The following POLD1 variants were observed in gnomAD, a reference collection of about 807,000 sequenced individuals.
The protein encoded by POLD1 is DNA polymerase delta catalytic subunit.
POLD1 carries 79 observed loss-of-function variants against 129.7 expected under a neutral mutation model. The observed-to-expected ratio is 0.61, with a 90% confidence interval of 0.51 to 0.73. The LOEUF (loss-of-function observed/expected upper bound fraction) is 0.73, where lower values mean the gene tolerates loss of function less well. Ranked by LOEUF, POLD1 falls within the 30% of genes least tolerant of loss-of-function variation. POLD1 has a pLI of 0.00. For synonymous variants in POLD1, 714 were observed against 683.3 expected, an observed-to-expected ratio of 1.04 and a Z score of -0.70; for missense variants, 1,338 against 1,595.8, an observed-to-expected ratio of 0.84 and a Z score of 2.75.
rs188028743 is a variant in POLD1, at chr19:50,402,175, T to C, written c.590-30T>C. The C allele has an allele frequency of 2.5e-4, 400 of 1,588,102 alleles. 2 individuals are homozygous for C. In the African/African-American group the frequency reaches 4.8e-3, roughly 19 times the overall value. ...GTTGGAGGGTCCCCTCGGGAGGCCA[T>C]TGGCTGGTCCCAGCTTCTTCCATCC... On this transcript the variant is annotated intron_variant, in intron 5 of 26. Coordinates refer to ENST00000440232, the MANE Select transcript of POLD1 (RefSeq NM_002691.4).
chr19:50,416,615 G>A lies in POLD1; in HGVS notation c.2959G>A (p.Asp987Asn), dbSNP rs985679759. The A allele has an allele frequency of 3.8e-6, 6 of 1,561,332 alleles. No homozygotes were observed. Among genetic ancestry groups the A allele is most frequent in the Non-Finnish European group, 2.6e-6 (3 of 1,157,114 alleles). ...ACCTGCCTCCTCTCCTGCAGGGGGG[G>A]ACCACACGCGCTGCAAGACGGTGCT... ...GRAEAVLLRG[D>N]HTRCKTVLTG... The change falls in exon 24 of 27, where the codon GAC becomes AAC. Residue 987 changes from aspartate (D) to asparagine (N), a missense_variant. By Grantham distance (23) the Asp-to-Asn change is conservative (BLOSUM62 1). Coordinates refer to ENST00000440232, the MANE Select transcript of POLD1 (RefSeq NM_002691.4).
At position 50,401,810 on chromosome 19, in the gene POLD1, C is replaced by A; in HGVS notation, c.349C>A (p.Pro117Thr). Residue 117 changes from proline to threonine, a missense_variant, in exon 4 of 27, where the codon CCA (proline) becomes ACA (threonine). Pro to Thr is a conservative substitution (Grantham distance 38). This residue lies in a region of POLD1 where 332 missense variants were observed against 315.7 expected (regional missense o/e 1.05). Transcript: ENST00000440232. ...GCAGCCTGTGCCTGGGGGGCCCCCA[C>A]CATCCCGCGGCTCCGTGCCTGTGCT... ...PAQPVPGGPP[P>T]SRGSVPVLRA... 1.2e-6 allele frequency: 2 copies of A among 1,613,412 alleles called. No individual in the cohort carries two copies. The highest frequency in any genetic ancestry group is 1.7e-6 in the Non-Finnish European group (2 of 1,179,870).
chr19:50,387,463 A>G (rs1397370834), intron 1 of POLD1, among the ~76,000 whole-genome samples: 2 of 152,134 alleles, frequency 1.3e-5, no homozygotes, highest in Non-Finnish European at 2.9e-5. Flanking sequence ...GGCAGAGGAC[A>G]GTGTTTGCCA....
Position 50,386,915 on chromosome 19 carries a change from G to A in POLD1, c.-2+2525G>A, listed in dbSNP as rs367887113. Among the ~76,000 whole-genome samples the A allele has an allele frequency of 6.7e-4, 102 of 152,342 alleles. 2 individuals carry two copies. The South Asian group carries it at 0.019, about 28-fold the overall frequency. The stretch of plus-strand genomic sequence containing the variant: ...CTACAAAAAATACAAAAGCTAGGCC[G>A]GGCGCGGTGGCTAAGGCCTGTAATC... On this transcript the variant is annotated intron_variant, in intron 1 of 26. Transcript: ENST00000440232.
intron 17 of POLD1, among the ~76,000 whole-genome samples, chr19:50,411,347 A>G (rs1333162084): frequency 6.6e-6 from 1 of 152,148 alleles, no homozygotes; most frequent in Non-Finnish European, 1.5e-5. Flanking sequence ...CTGTGTGGAC[A>G]TCAGGCTCTA....
intron 24 of POLD1, 130 bp downstream of exon 24, chr19:50,416,853 C>T (rs923065325): frequency 2.1e-6 from 2 of 935,886 alleles, no homozygotes; most frequent in African/African-American, 1.7e-5. Context: ...TGGGTGGCCC[C>T]TGTCTCCACC....
rs927325156 is a variant in POLD1, at chr19:50,402,737, C to T, written c.966C>T (p.Arg322=). ...VLSFDIECAG[R]KGIFPEPERD... The stretch of plus-strand genomic sequence containing the variant: ...GCTTCGATATCGAGTGCGCCGGCCG[C>T]AAAGGTCTGTCCCCGGGCCCGGGCT... The change falls in exon 8 of 27, where the codon CGC becomes CGT. Residue 322 remains arginine (R), a synonymous_variant. Coordinates refer to ENST00000440232, the MANE Select transcript of POLD1 (RefSeq NM_002691.4). 1.2e-5 allele frequency: 19 copies of T among 1,590,738 alleles called. No individual in the cohort carries two copies. The East Asian group carries it at 4.3e-4, about 36-fold the overall frequency.
rs954431584 is a variant in POLD1, at chr19:50,409,985, CAA to C, written c.2154+320_2154+321del. Reference sequence around the variant, plus strand: ...GGTCTGTGTAAACGTGTTTAGGACACAAGTGGCGCTACGAGCTTTGCAGCCGG... The same window carrying C: ...GGTCTGTGTAAACGTGTTTAGGACACGTGGCGCTACGAGCTTTGCAGCCGG... On this transcript the variant is annotated intron_variant, in intron 17 of 26. Transcript: ENST00000440232. This position sits in a 1 kb window ranked among gnomAD's most constrained non-coding sequence, Gnocchi z 5.8. Among the ~76,000 whole-genome samples the C allele has an allele frequency of 6.6e-6, 1 of 152,194 alleles. No individual in the cohort carries two copies. The highest frequency in any genetic ancestry group is 2.4e-5 in the African/African-American group (1 of 41,460).
intron 3 of POLD1, among the ~76,000 whole-genome samples, chr19:50,400,211 A>ATTTTTTTTTTTTTTTTTTTTTT (rs549820323): frequency 2.9e-5 from 2 of 67,824 alleles, no homozygotes; most frequent in African/African-American, 1.4e-4. Context: ...CTGGCCAATA[A>ATTTTTTTTTTTTTTTTTTTTTT]TTTTTTTTTT....
intron 3 of POLD1, 41 bp from the exon 4 acceptor site, chr19:50,401,737 C>G: frequency 6.2e-7 from 1 of 1,606,308 alleles, no homozygotes; most frequent in Non-Finnish European, 8.5e-7. Flanking sequence ...CTTGGAGGAC[C>G]CTGAGAGGCA....
At chr19:50,412,921 T>C (rs2039137516) in intron 17 of POLD1, among the ~76,000 whole-genome samples, 1 of 149,358 alleles carries the variant, frequency 6.7e-6, no homozygotes, top group Non-Finnish European at 1.5e-5. Context: ...TTTTCTTAAC[T>C]CTAAAATAAG....
At chr19:50,415,023 G>C (rs974097182) in intron 20 of POLD1, 33 bp downstream of exon 20, 3 of 1,479,000 alleles carry the variant, frequency 2.0e-6, no homozygotes, top group Non-Finnish European at 2.7e-6. Context: ...GACTCAGGGG[G>C]CTGGGCCCCA....
intron 22 of POLD1, 137 bp from the exon 23 acceptor site, chr19:50,416,259 C>A: frequency 1.2e-6 from 1 of 853,948 alleles, no homozygotes; most frequent in Non-Finnish European, 1.8e-6. Context: ...CCTCCGACCC[C>A]ATCCCAGACC....
intron 17 of POLD1, among the ~76,000 whole-genome samples, chr19:50,410,194 C>A (rs940006451): frequency 5.3e-5 from 8 of 152,200 alleles, no homozygotes; most frequent in African/African-American, 1.4e-4. Flanking sequence ...AAAACAGATT[C>A]TTTGAAACCA....
At chr19:50,412,713 T>TTGG (rs149765706) in intron 17 of POLD1, among the ~76,000 whole-genome samples, 34 of 151,258 alleles carry the variant, frequency 2.2e-4, no homozygotes, top group South Asian at 4.2e-4. Context: ...AGCCTCAGGT[T>TTGG]TGGTGGTGGT....
chr19:50,395,584 CAAAA>C (rs536089528), intron 1 of POLD1, among the ~76,000 whole-genome samples: 1 of 125,588 alleles, frequency 8.0e-6, no homozygotes, highest in African/African-American at 2.8e-5. Context: ...ACTCCGTCTC[CAAAA>C]AAAAAAAAAA....
At position 50,406,475 on chromosome 19, in the gene POLD1, G is replaced by A. The variant is rs1191052495; in HGVS notation, c.1452G>A (p.Glu484=). 6.3e-7 allele frequency: 1 copy of A among 1,596,696 alleles called. No individual in the cohort carries two copies. Among genetic ancestry groups the A allele is most frequent in the Non-Finnish European group, 8.5e-7 (1 of 1,171,318 alleles). The change falls in exon 12 of 27, where the codon GAG becomes GAA. Residue 484 remains glutamate (E), a synonymous_variant. Transcript: ENST00000440232. The surrounding 1 kb of genome is among the most constrained non-coding windows in gnomAD (Gnocchi z 5.5). ...LNAVSFHFLG[E]QKEDVQHSII... ...CCGTGAGCTTCCACTTCCTGGGCGA[G>A]CAGAAGGAGGACGTGCAGCACAGCA...
intron 22 of POLD1, 151 bp from the exon 23 acceptor site, chr19:50,416,245 G>A (rs538801846): frequency 8.7e-4 from 634 of 727,608 alleles, no homozygotes; most frequent in Non-Finnish European, 6.3e-4. Context: ...CAGAGACTCC[G>A]TGACCTCCGA....
rs1368414810 is a variant in POLD1, at chr19:50,399,011, G to C, written c.160G>C (p.Glu54Gln). The C allele has an allele frequency of 6.4e-7, 1 of 1,559,678 alleles. No individual in the cohort carries two copies. The highest frequency in any genetic ancestry group is 8.7e-7 in the Non-Finnish European group (1 of 1,150,980). ...GGCAGAACACAGGCTGCAGGAGCAG[G>C]AGGAGGAGGAGCTGCAGTCAGTCCT... ...MEAEHRLQEQ[E>Q]EEELQSVLEG... The change falls in exon 2 of 27, where the codon GAG becomes CAG. Residue 54 changes from glutamate (E) to glutamine (Q), a missense_variant. Around this residue, in one of 3 missense-constraint regions of POLD1, gnomAD observed 332 missense variants for 315.7 expected, o/e 1.05. Coordinates refer to ENST00000440232, the MANE Select transcript of POLD1 (RefSeq NM_002691.4).
Sources: gnomAD v4.1 joint callset for allele counts (sites outside exome capture counted in the v4.1 genomes callset) on GRCh38, gnomAD v4.1.1 for gene constraint, gnomAD v4.1.1 regional missense constraint, Gnocchi (gnomAD v3.1) non-coding constraint, MANE v1.5 for transcripts, NCBI Gene and HGNC (gene_info 2026-07-23, HGNC 2026-07-21) for gene names.